The following MACROD2 variants were observed in gnomAD, a reference collection of about 807,000 sequenced individuals.
The protein encoded by MACROD2 is mono-ADP ribosylhydrolase 2, also known as ADP-ribose glycohydrolase MACROD2.
A neutral mutation model predicts 70.4 loss-of-function variants in MACROD2; 36 were observed. The observed-to-expected ratio is 0.51, with a 90% CI of 0.39 to 0.68. MACROD2 has a LOEUF of 0.68. Ranked by LOEUF, MACROD2 falls within the 30% of genes least tolerant of loss-of-function variation. The pLI is 0.00. For missense variants in MACROD2, 496 were observed against 538.4 expected (o/e 0.92, Z 0.78); for synonymous variants, 172 against 178.8 (o/e 0.96, Z 0.30).
intron 5 of MACROD2, among the ~76,000 whole-genome samples, chr20:15,069,717 T>C (rs1048481434): frequency 6.6e-6 from 1 of 152,244 alleles, no homozygotes; most frequent in Non-Finnish European, 1.5e-5. Flanking sequence ...TCTGCAAGCA[T>C]GCAGAATGCA....
intron 3 of MACROD2, among the ~76,000 whole-genome samples, chr20:14,412,139 G>A (rs986395780): frequency 3.3e-5 from 5 of 152,010 alleles, no homozygotes; most frequent in Non-Finnish European, 7.4e-5. Context: ...TTCTCTGCCC[G>A]CACTTTCTGT....
In MACROD2 at chr20:14,621,336, G is replaced by A. The variant is rs571853373; in HGVS notation, c.302-63507G>A. On this transcript the variant is annotated intron_variant, in intron 4 of 17. Coordinates refer to ENST00000684519, the MANE Select transcript of MACROD2 (RefSeq NM_001351661.2). ...GGGGTTGGGATAAGTTTACAGATGT[G>A]CTGCTCAAGTGCCTTTTTTGCCTGG... Among the ~76,000 whole-genome samples the A allele has an allele frequency of 9.9e-5, 15 of 152,182 alleles. No homozygotes were observed. In the South Asian group the frequency reaches 1.7e-3, roughly 17 times the overall value.
At chr20:14,519,373 A>G (rs1396233274) in intron 4 of MACROD2, among the ~76,000 whole-genome samples, 2 of 152,156 alleles carry the variant, frequency 1.3e-5, no homozygotes, top group African/African-American at 2.4e-5. Flanking sequence ...TTTAGAACCT[A>G]GAACACCATG....
chr20:14,856,497 C>A (rs982189970), intron 5 of MACROD2, among the ~76,000 whole-genome samples: 16 of 152,148 alleles, frequency 1.1e-4, no homozygotes, highest in African/African-American at 3.1e-4. Context: ...TGGGCTGTTT[C>A]TTGTTTTTCT....
intron 15 of MACROD2, among the ~76,000 whole-genome samples, chr20:16,007,520 G>T (rs1037812650): frequency 6.6e-6 from 1 of 152,084 alleles, no homozygotes; most frequent in African/African-American, 2.4e-5. Flanking sequence ...GTTTCACCAC[G>T]GCCATGGTGC....
intron 10 of MACROD2, among the ~76,000 whole-genome samples, chr20:15,921,618 A>G (rs919627302): frequency 2.0e-5 from 3 of 152,364 alleles, no homozygotes; most frequent in Middle Eastern, 3.4e-3. Flanking sequence ...GTTTGTTAGA[A>G]GCCATCTTAG....
chr20:15,293,237 G>A (rs963250593), intron 6 of MACROD2, among the ~76,000 whole-genome samples: 3 of 152,096 alleles, frequency 2.0e-5, no homozygotes, highest in Admixed American at 6.5e-5. Context: ...CTATTTATTC[G>A]TCATATGCAA....
At chr20:15,870,166 C>T (rs942578768) in intron 9 of MACROD2, among the ~76,000 whole-genome samples, 8 of 151,958 alleles carry the variant, frequency 5.3e-5, no homozygotes, top group Middle Eastern at 6.8e-3. Context: ...TTTTCCCAAT[C>T]ATGAATTTCT....
intron 5 of MACROD2, among the ~76,000 whole-genome samples, chr20:14,816,460 C>T (rs957861884): frequency 2.6e-5 from 4 of 151,992 alleles, no homozygotes; most frequent in Admixed American, 2.0e-4. Flanking sequence ...TACAGAAGAC[C>T]TTCAAAAGCC....
chr20:14,521,638 T>C (rs187035207), intron 4 of MACROD2, among the ~76,000 whole-genome samples: 10 of 152,346 alleles, frequency 6.6e-5, no homozygotes, highest in Admixed American at 5.2e-4. Flanking sequence ...GTGATGTAAT[T>C]GGTGGTGAGA....
chr20:15,767,756 C>T (rs1394637610), intron 8 of MACROD2, among the ~76,000 whole-genome samples: 1 of 152,132 alleles, frequency 6.6e-6, no homozygotes, highest in African/African-American at 2.4e-5. Context: ...AATTGTTTCT[C>T]TCTGGACTCA....
chr20:14,013,516 C>T (rs562407963), intron 2 of MACROD2, among the ~76,000 whole-genome samples: 1 of 152,062 alleles, frequency 6.6e-6, no homozygotes, highest in African/African-American at 2.4e-5. Flanking sequence ...TCGTGATCTG[C>T]CCACCTCGGC....
chr20:15,494,776 T>TGTGCGCGC (rs368522802), intron 7 of MACROD2, among the ~76,000 whole-genome samples: 7 of 131,890 alleles, frequency 5.3e-5, no homozygotes, highest in African/African-American at 1.9e-4. Context: ...CGTGTGTGTG[T>TGTGCGCGC]GCGCGCGTGT....
intron 3 of MACROD2, among the ~76,000 whole-genome samples, chr20:14,437,925 T>C (rs1256584752): frequency 6.6e-6 from 1 of 152,204 alleles, no homozygotes. Context: ...TTATCTCACA[T>C]AGTTACCCAT....
intron 5 of MACROD2, among the ~76,000 whole-genome samples, chr20:14,719,233 A>G (rs2071434464): frequency 2.0e-5 from 3 of 152,152 alleles, no homozygotes; most frequent in Admixed American, 2.0e-4. Flanking sequence ...CCATCTTAAA[A>G]AAAAAAAAAT....
chr20:14,566,214 G>T (rs1410287359), intron 4 of MACROD2, among the ~76,000 whole-genome samples: 4 of 151,956 alleles, frequency 2.6e-5, no homozygotes, highest in East Asian at 1.9e-4. Flanking sequence ...CAAAGGGCAT[G>T]AACAAGCATG....
chr20:15,981,934 A>G (rs1380996003), intron 13 of MACROD2, among the ~76,000 whole-genome samples: 1 of 151,482 alleles, frequency 6.6e-6, no homozygotes, highest in Non-Finnish European at 1.5e-5. Flanking sequence ...CAAGACCAGT[A>G]TTGACACATT....
chr20:15,576,533 T>G (rs7272772), intron 8 of MACROD2, among the ~76,000 whole-genome samples: 2 of 148,704 alleles, frequency 1.3e-5, no homozygotes, highest in African/African-American at 4.9e-5. Flanking sequence ...ACTGACTAAC[T>G]TTGTTTTCTG....
chr20:14,841,457 C>A (rs2073085791), intron 5 of MACROD2, among the ~76,000 whole-genome samples: 1 of 152,148 alleles, frequency 6.6e-6, no homozygotes, highest in East Asian at 1.9e-4. Context: ...AATATTTCCC[C>A]TAACTTTCAA....
Sources: gnomAD v4.1 joint callset for allele counts (sites outside exome capture counted in the v4.1 genomes callset) on GRCh38, gnomAD v4.1.1 for gene constraint, MANE v1.5 for transcripts, NCBI Gene and HGNC (gene_info 2026-07-23, HGNC 2026-07-21) for gene names.